Variants in FMN1 observed in about 807,000 individuals in gnomAD.
FMN1 encodes the protein formin-1.
FMN1 carries 110 observed loss-of-function variants against 132.4 expected under a neutral mutation model. The ratio of observed to expected loss-of-function variants is 0.83; its 90% CI spans 0.71 to 0.97. The LOEUF (loss-of-function observed/expected upper bound fraction) is 0.97. Ranked by LOEUF, FMN1 falls within the 50% of genes least tolerant of loss-of-function variation. The pLI is 0.00. For synonymous variants in FMN1, 722 were observed against 651.7 expected (o/e 1.11, Z -1.64); for missense variants, 1,792 against 1,705.3 (o/e 1.05, Z -0.90).
At chr15:32,951,610 C>T (rs1437898506) in intron 9 of FMN1, among the ~76,000 whole-genome samples, 4 of 152,244 alleles carry the variant, frequency 2.6e-5, no homozygotes, top group African/African-American at 9.6e-5. Flanking sequence ...ATTCTTATTC[C>T]CAGTTCTCAT....
At chr15:32,859,766 G>C (rs528103291) in intron 16 of FMN1, among the ~76,000 whole-genome samples, 1 of 152,172 alleles carries the variant, frequency 6.6e-6, no homozygotes, top group Non-Finnish European at 1.5e-5. Context: ...GCTGAATGTC[G>C]TGGTTCGCAC....
intron 4 of FMN1, among the ~76,000 whole-genome samples, chr15:33,146,525 T>A (rs1964227849): frequency 6.6e-6 from 1 of 152,130 alleles, no homozygotes. Context: ...GAGCCTTGTT[T>A]CAATGTACTG....
chr15:32,822,983 T>G (rs1596012146), intron 17 of FMN1, among the ~76,000 whole-genome samples: 1 of 151,702 alleles, frequency 6.6e-6, no homozygotes, highest in African/African-American at 2.4e-5. Context: ...GGTACAAGAG[T>G]AGGACAATAT....
chr15:32,888,117 CATTTT>C, intron 16 of FMN1, 50 bp downstream of exon 16: 2 of 1,478,304 alleles, frequency 1.4e-6, no homozygotes, highest in Non-Finnish European at 1.8e-6. Context: ...CCTCTTAAAA[CATTTT>C]TTAAAAGTAA....
At chr15:32,899,517 A>C (rs2060244387) in intron 14 of FMN1, among the ~76,000 whole-genome samples, 1 of 152,336 alleles carries the variant, frequency 6.6e-6, no homozygotes, top group South Asian at 2.1e-4. Context: ...GTGTGGAGCC[A>C]AGTGATAATC....
chr15:33,073,876 G>A (rs962423524), intron 5 of FMN1, among the ~76,000 whole-genome samples: 4 of 151,960 alleles, frequency 2.6e-5, no homozygotes, highest in Admixed American at 1.3e-4. Context: ...GATTATAGTT[G>A]CGTGTCACCA....
intron 6 of FMN1, among the ~76,000 whole-genome samples, chr15:33,041,372 T>C (rs1194654416): frequency 1.4e-5 from 2 of 145,672 alleles, no homozygotes; most frequent in African/African-American, 2.6e-5. Flanking sequence ...CAGCTTTCTT[T>C]TGACGTTCCT....
At chr15:33,112,799 T>C (rs2039762144) in intron 4 of FMN1, among the ~76,000 whole-genome samples, 1 of 152,070 alleles carries the variant, frequency 6.6e-6, no homozygotes, top group Non-Finnish European at 1.5e-5. Flanking sequence ...TAGGAAGTGG[T>C]GTGGGTAAAT....
chr15:32,968,747 A>G lies in FMN1; in HGVS notation c.2954T>C (p.Leu985Ser). Residue 985 changes from leucine to serine, a missense_variant, in exon 8 of 21, where the codon TTA (leucine) becomes TCA (serine). This residue lies in a region of FMN1 where 1,150 missense variants were observed against 1,043.1 expected (regional missense o/e 1.10). Coordinates refer to ENST00000616417, the MANE Select transcript of FMN1 (RefSeq NM_001277313.2). ...AIEPSCPMKPLYWTRIQISDR... is the reference protein window; with the variant it reads ...AIEPSCPMKPSYWTRIQISDR... Reference sequence around the variant, plus strand: ...ACTTATTTGTATCCTAGTCCAATATAAAGGCTTCATGGGACAACTGGGCTC... The same window carrying G: ...ACTTATTTGTATCCTAGTCCAATATGAAGGCTTCATGGGACAACTGGGCTC... 1.9e-6 allele frequency: 3 copies of G among 1,613,544 alleles called. No homozygotes were observed. The Middle Eastern group carries it at 5.0e-4, about 266-fold the overall frequency.
intron 17 of FMN1, 59 bp downstream of exon 17, chr15:32,856,956 T>C (rs777167399): frequency 3.1e-4 from 390 of 1,261,684 alleles, no homozygotes; most frequent in Non-Finnish European, 4.4e-4. Context: ...CAGAGAAAGA[T>C]TCATGGAATG....
At chr15:33,076,752 A>G (rs796990558) in intron 5 of FMN1, among the ~76,000 whole-genome samples, 20 of 152,316 alleles carry the variant, frequency 1.3e-4, no homozygotes, top group African/African-American at 4.6e-4. Context: ...TTTTCATGAC[A>G]ATAAATAAAA....
chr15:33,076,297 G>A (rs528338106), intron 5 of FMN1, among the ~76,000 whole-genome samples: 2 of 152,312 alleles, frequency 1.3e-5, no homozygotes, highest in African/African-American at 4.8e-5. Flanking sequence ...CCTGATAAAA[G>A]ATGAAGACCT....
At chr15:33,151,713 C>T (rs1355527578) in intron 4 of FMN1, among the ~76,000 whole-genome samples, 6 of 151,638 alleles carry the variant, frequency 4.0e-5, no homozygotes, top group Non-Finnish European at 7.3e-5. Context: ...TTAATAATCT[C>T]AGAGAGTTTC....
chr15:33,047,944 T>TTA (rs947826349), intron 6 of FMN1, among the ~76,000 whole-genome samples: 4 of 152,090 alleles, frequency 2.6e-5, no homozygotes, highest in South Asian at 2.1e-4. Context: ...GTCTGAGTAG[T>TTA]TATATATATA....
Position 32,878,929 on chromosome 15 carries a change from A to G in FMN1, c.3835+9243T>C, listed in dbSNP as rs75173625. Among the ~76,000 whole-genome samples, 349 of 152,352 alleles carry G rather than the reference A, an allele frequency of 2.3e-3. 2 individuals carry two copies. Among genetic ancestry groups the G allele is most frequent in the African/African-American group, 8.0e-3 (331 of 41,588 alleles). On this transcript the variant is annotated intron_variant, in intron 16 of 20. Coordinates refer to ENST00000616417, the MANE Select transcript of FMN1 (RefSeq NM_001277313.2). Reference sequence around the variant, plus strand: ...ACTGAGAGGAGGAAACCAGGACAACATAACTCATCCTTCCCACCTAGAAAT... The same window carrying G: ...ACTGAGAGGAGGAAACCAGGACAACGTAACTCATCCTTCCCACCTAGAAAT...
chr15:33,106,653 A>G (rs953500052), intron 4 of FMN1, among the ~76,000 whole-genome samples: 1 of 152,036 alleles, frequency 6.6e-6, no homozygotes, highest in Non-Finnish European at 1.5e-5. Flanking sequence ...TCAGTGTTCT[A>G]AATCTCAGCA....
chr15:33,152,238 T>C (rs918020134), intron 4 of FMN1, among the ~76,000 whole-genome samples: 1 of 152,224 alleles, frequency 6.6e-6, no homozygotes. Context: ...TTACACAGTC[T>C]TTTTTGGTCC....
intron 3 of FMN1, among the ~76,000 whole-genome samples, chr15:33,173,312 A>G (rs921480058): frequency 1.3e-5 from 2 of 152,216 alleles, no homozygotes; most frequent in Non-Finnish European, 2.9e-5. Flanking sequence ...GACAATGAAG[A>G]AAAACAGTAT....
chr15:32,889,273 CAT>C (rs957234475), intron 15 of FMN1, among the ~76,000 whole-genome samples: 7 of 152,206 alleles, frequency 4.6e-5, no homozygotes, highest in East Asian at 1.9e-4. Context: ...GCTTCAGGCA[CAT>C]GAGCCTCAAA....
Sources: gnomAD v4.1 joint callset for allele counts (sites outside exome capture counted in the v4.1 genomes callset) on GRCh38, gnomAD v4.1.1 for gene constraint, gnomAD v4.1.1 regional missense constraint, MANE v1.5 for transcripts, NCBI Gene and HGNC (gene_info 2026-07-23, HGNC 2026-07-21) for gene names.